LARGE1: variants seen among roughly 807,000 people sequenced by gnomAD.
LARGE1 encodes the protein xylosyl- and glucuronyltransferase LARGE1.
In LARGE1, 43 loss-of-function variants were observed where a neutral mutation model predicts 87.6. The observed-to-expected ratio is 0.49, with a 90% confidence interval of 0.38 to 0.63. The LOEUF (loss-of-function observed/expected upper bound fraction) is 0.63, where lower values mean the gene tolerates loss of function less well. LARGE1 is among the 30% of genes least tolerant of loss of function. LARGE1 has a pLI of 0.00. For missense variants in LARGE1, 802 were observed against 1,000.2 expected, an observed-to-expected ratio of 0.80 and a Z score of 2.67; for synonymous variants, 434 against 394.6, an observed-to-expected ratio of 1.10 and a Z score of -1.18.
chr22:33,430,184 C>T (rs2067028332), intron 7 of LARGE1, among the ~76,000 whole-genome samples: 2 of 152,192 alleles, frequency 1.3e-5, no homozygotes, highest in African/African-American at 4.8e-5. Flanking sequence ...TTCGATGCTC[C>T]AATCTTCAGT....
At chr22:33,356,587 C>T (rs951429395) in intron 9 of LARGE1, among the ~76,000 whole-genome samples, 8 of 151,982 alleles carry the variant, frequency 5.3e-5, no homozygotes, top group Non-Finnish European at 1.0e-4. Flanking sequence ...GCCTGGCCAA[C>T]GTGGTAAGAC....
the LARGE1 span, among the ~76,000 whole-genome samples, chr22:33,095,009 G>A: frequency 3.9e-5 from 6 of 152,132 alleles, no homozygotes; most frequent in Non-Finnish European, 7.3e-5. Context: ...ATGAGCCACC[G>A]CGCCTGGCCT....
intron 1 of LARGE1, among the ~76,000 whole-genome samples, chr22:33,849,857 TC>T (rs1481447947): frequency 6.6e-6 from 1 of 152,160 alleles, no homozygotes; most frequent in East Asian, 1.9e-4. Context: ...CGCCTCTGCC[TC>T]CCAAAGTACT....
At chr22:33,333,803 A>T (rs1938056336) in intron 10 of LARGE1, among the ~76,000 whole-genome samples, 1 of 152,172 alleles carries the variant, frequency 6.6e-6, no homozygotes, top group Admixed American at 6.5e-5. Flanking sequence ...GTAATTGTAA[A>T]CAGGAGTAGA....
intron 1 of LARGE1, among the ~76,000 whole-genome samples, chr22:33,893,127 C>A (rs738989): frequency 0.43 from 65,003 of 152,058 alleles, 16,276 homozygotes; most frequent in East Asian, 0.99. Context: ...GGAAAGGACT[C>A]GGTTTAGAAC....
At chr22:33,328,857 A>C (rs1197220377) in intron 10 of LARGE1, among the ~76,000 whole-genome samples, 1 of 152,018 alleles carries the variant, frequency 6.6e-6, no homozygotes. Context: ...AGCACTTAGG[A>C]GTTGTGTGGT....
chr22:33,202,133 G>A (rs942002614), intron 11 of LARGE1, among the ~76,000 whole-genome samples: 21 of 151,742 alleles, frequency 1.4e-4, no homozygotes, highest in African/African-American at 5.1e-4. Flanking sequence ...CATTCTGGCT[G>A]CTGTGCTGAG....
chr22:33,264,077 G>A (rs1927794934), intron 11 of LARGE1, among the ~76,000 whole-genome samples: 1 of 152,194 alleles, frequency 6.6e-6, no homozygotes, highest in Non-Finnish European at 1.5e-5. Context: ...AGCAAGGACT[G>A]CCCAAGTGCT....
chr22:33,158,867 C>T (rs1921941935), downstream of LARGE1, among the ~76,000 whole-genome samples: 1 of 152,096 alleles, frequency 6.6e-6, no homozygotes, highest in Non-Finnish European at 1.5e-5. Flanking sequence ...TAGATAAAAC[C>T]CTAGGTTGTC....
chr22:33,379,836 T>C (rs2065103275), intron 9 of LARGE1, among the ~76,000 whole-genome samples: 1 of 152,156 alleles, frequency 6.6e-6, no homozygotes, highest in Admixed American at 6.6e-5. Context: ...CTCATTAGCA[T>C]AAACTCAGGT....
chr22:33,762,368 C>T (rs971876701), intron 1 of LARGE1, among the ~76,000 whole-genome samples: 5 of 152,060 alleles, frequency 3.3e-5, no homozygotes, highest in South Asian at 2.1e-4. Context: ...GTGCTGACTG[C>T]CCTGTGCGTG....
intron 3 of LARGE1, among the ~76,000 whole-genome samples, chr22:33,631,013 C>T (rs1480954219): frequency 4.6e-5 from 7 of 151,926 alleles, no homozygotes; most frequent in African/African-American, 4.8e-5. Flanking sequence ...CCACCACGCC[C>T]GGCTAATTTT....
intron 11 of LARGE1, among the ~76,000 whole-genome samples, chr22:33,171,674 G>T (rs1301478177): frequency 1.3e-5 from 2 of 152,228 alleles, no homozygotes; most frequent in African/African-American, 4.8e-5. Flanking sequence ...AGGCCTGAGA[G>T]TGCGCAGAAG....
chr22:33,703,450 G>C (rs1356279475), intron 2 of LARGE1, among the ~76,000 whole-genome samples: 1 of 152,034 alleles, frequency 6.6e-6, no homozygotes, highest in Non-Finnish European at 1.5e-5. Flanking sequence ...GATAATTCCT[G>C]AAATTTGTGA....
intron 9 of LARGE1, among the ~76,000 whole-genome samples, chr22:33,351,074 T>C (rs1335615738): frequency 3.9e-5 from 6 of 152,250 alleles, no homozygotes; most frequent in Non-Finnish European, 7.3e-5. Context: ...TTTTCTTGTG[T>C]GATAGCTGTA....
chr22:33,387,531 G>GA (rs11419070), intron 7 of LARGE1, among the ~76,000 whole-genome samples: 13,474 of 147,980 alleles, frequency 0.091, 1,191 homozygotes, highest in African/African-American at 0.21. Flanking sequence ...AAAATGGGGG[G>GA]GGGGATGGTG....
chr22:33,242,790 C>T (rs1032516610), intron 11 of LARGE1, among the ~76,000 whole-genome samples: 3 of 152,074 alleles, frequency 2.0e-5, no homozygotes, highest in African/African-American at 4.8e-5. Context: ...TCTGGAGCCT[C>T]GAAGTCTGAG....
chr22:33,387,494 G>A (rs1371715348), intron 7 of LARGE1, among the ~76,000 whole-genome samples: 1 of 142,814 alleles, frequency 7.0e-6, no homozygotes, highest in Admixed American at 6.9e-5. Context: ...ATTATAATTA[G>A]GTTGGATAGA....
chr22:33,097,575 A>T, the LARGE1 span, among the ~76,000 whole-genome samples: 4 of 152,224 alleles, frequency 2.6e-5, no homozygotes, highest in African/African-American at 9.6e-5. Flanking sequence ...AGAGTGCTGT[A>T]TCTTAATAGC....
Sources: gnomAD v4.1 joint callset for allele counts (sites outside exome capture counted in the v4.1 genomes callset) on GRCh38, gnomAD v4.1.1 for gene constraint, MANE v1.5 for transcripts, NCBI Gene and HGNC (gene_info 2026-07-23, HGNC 2026-07-21) for gene names.